The following SGCD variants were observed in gnomAD, a reference collection of about 807,000 sequenced individuals.
SGCD encodes the protein delta-sarcoglycan.
Under a neutral mutation model 36.6 loss-of-function variants are expected in SGCD, and 18 were observed. That is an observed-to-expected ratio of 0.49 (90% CI 0.34 to 0.73). The LOEUF (loss-of-function observed/expected upper bound fraction) is 0.73, where lower values mean the gene tolerates loss of function less well. SGCD is among the 30% of genes least tolerant of loss of function. The pLI is 0.01. For missense variants in SGCD, 387 were observed against 346.7 expected (o/e 1.12, Z -0.92); for synonymous variants, 133 against 130.6 (o/e 1.02, Z -0.12).
intron 1 of SGCD, among the ~76,000 whole-genome samples, chr5:156,011,254 T>G (rs1487350921): frequency 2.6e-5 from 4 of 152,138 alleles, no homozygotes; most frequent in Admixed American, 2.6e-4. Flanking sequence ...TCAAAATCCT[T>G]CAAGCCAGGT....
intron 4 of SGCD, among the ~76,000 whole-genome samples, chr5:156,537,506 C>G (rs1417424878): frequency 7.4e-6 from 1 of 135,150 alleles, no homozygotes; most frequent in Admixed American, 7.2e-5. Context: ...CACACACACA[C>G]AGGTATATAT....
rs1481727376 is a variant in SGCD at position 156,456,225 on chromosome 5, G to C, written c.193-52376G>C. On this transcript the variant is annotated intron_variant, in intron 3 of 8. Transcript: ENST00000337851. ...CTAGGAGAGTTTGTGGCACTTGATA[G>C]GAAAAGCCTCCTTGAATGTTGGTAG... 2.0e-5 allele frequency among the ~76,000 whole-genome samples: 3 copies of C among 152,258 alleles called. No individual in the cohort carries two copies. In the South Asian group the frequency reaches 6.2e-4, roughly 32 times the overall value.
chr5:156,206,921 C>T (rs1408261216), intron 3 of SGCD, among the ~76,000 whole-genome samples: 2 of 151,892 alleles, frequency 1.3e-5, no homozygotes, highest in East Asian at 3.9e-4. Context: ...CACACTTGGC[C>T]ACATGTTTAC....
chr5:156,072,813 G>C (rs1254955011), intron 1 of SGCD, among the ~76,000 whole-genome samples: 1 of 152,064 alleles, frequency 6.6e-6, no homozygotes, highest in African/African-American at 2.4e-5. Context: ...CATATTTCTT[G>C]GCGGCTTTGT....
At chr5:156,612,662 T>C (rs1455123257) in intron 6 of SGCD, among the ~76,000 whole-genome samples, 1 of 152,226 alleles carries the variant, frequency 6.6e-6, no homozygotes, top group African/African-American at 2.4e-5. Flanking sequence ...AGGCTCTGAG[T>C]AGCCAGGGTT....
chr5:156,407,592 G>T (rs913071420), intron 3 of SGCD, among the ~76,000 whole-genome samples: 1 of 152,166 alleles, frequency 6.6e-6, no homozygotes, highest in Non-Finnish European at 1.5e-5. Context: ...GAAAAAAAAT[G>T]TAAGGGAAAT....
At chr5:156,300,037 T>C (rs1767012206) in intron 3 of SGCD, among the ~76,000 whole-genome samples, 1 of 152,130 alleles carries the variant, frequency 6.6e-6, no homozygotes, top group South Asian at 2.1e-4. Flanking sequence ...CTTTCAGTTT[T>C]TTCCCCATTC....
intron 2 of SGCD, among the ~76,000 whole-genome samples, chr5:156,334,503 C>G (rs1561626295): frequency 6.6e-6 from 1 of 151,882 alleles, no homozygotes; most frequent in Non-Finnish European, 1.5e-5. Flanking sequence ...GCAATGCCGT[C>G]AAGTCTTTGT....
At chr5:155,846,190 C>T in the SGCD span, among the ~76,000 whole-genome samples, 1 of 152,076 alleles carries the variant, frequency 6.6e-6, no homozygotes, top group Non-Finnish European at 1.5e-5. Flanking sequence ...TTAGCGTATT[C>T]GTCTTTACTA....
rs140579105 is a variant in SGCD, at chr5:156,498,422, G to A, written c.193-10179G>A. On this transcript the variant is annotated intron_variant, in intron 3 of 8. Transcript: ENST00000337851. ...TTCTGTCACCTCAGTAAAATCCCTCGAATCCATTTATAGTCTTCTCCGCCC... is the reference window on the plus strand; with the variant it reads ...TTCTGTCACCTCAGTAAAATCCCTCAAATCCATTTATAGTCTTCTCCGCCC... Among the ~76,000 whole-genome samples, 191 of 152,064 alleles carry A rather than the reference G, an allele frequency of 1.3e-3. 1 individual carries two copies. Among genetic ancestry groups the A allele is most frequent in the Non-Finnish European group, 1.9e-3 (126 of 67,964 alleles).
chr5:156,438,490 A>T (rs771862167), intron 3 of SGCD, among the ~76,000 whole-genome samples: 2 of 152,116 alleles, frequency 1.3e-5, no homozygotes, highest in African/African-American at 2.4e-5. Context: ...AAGACAACAG[A>T]GCCAAAGAGA....
At chr5:156,699,598 G>T (rs772333256) in intron 7 of SGCD, among the ~76,000 whole-genome samples, 8 of 151,872 alleles carry the variant, frequency 5.3e-5, no homozygotes, top group Non-Finnish European at 1.2e-4. Flanking sequence ...TATTGTTTTT[G>T]ATTTTTCTAA....
At chr5:156,408,358 ATT>A (rs199533412) in intron 3 of SGCD, among the ~76,000 whole-genome samples, 42 of 138,944 alleles carry the variant, frequency 3.0e-4, no homozygotes, top group East Asian at 4.2e-4. Context: ...CCCAAGTTGG[ATT>A]TTTTTTTTTT....
intron 1 of SGCD, among the ~76,000 whole-genome samples, chr5:156,005,932 G>A (rs1758753614): frequency 6.6e-6 from 1 of 152,206 alleles, no homozygotes; most frequent in Non-Finnish European, 1.5e-5. Flanking sequence ...TTTAGTGCCA[G>A]ATGGGTGGCC....
In SGCD at chr5:156,250,543, A is replaced by T. The variant is rs534130301; in HGVS notation, c.-43-78991A>T. Among the ~76,000 whole-genome samples the T allele has an allele frequency of 4.6e-5, 7 of 152,314 alleles. No homozygotes were observed. The South Asian group carries it at 1.0e-3, about 23-fold the overall frequency. The stretch of plus-strand genomic sequence containing the variant: ...AGCTGTGAGACCCTGGATGAGGCTC[A>T]CACTGCTCTAGTCCAGTTTGCTTTG... On this transcript the variant is annotated intron_variant, in intron 3 of 9. Transcript: ENST00000517913.
At chr5:156,013,250 C>G (rs1443314889) in intron 1 of SGCD, among the ~76,000 whole-genome samples, 2 of 152,004 alleles carry the variant, frequency 1.3e-5, no homozygotes, top group African/African-American at 2.4e-5. Context: ...GTCTCGAACT[C>G]CTGACCTCAA....
chr5:156,215,059 A>G (rs1409878447), intron 3 of SGCD, among the ~76,000 whole-genome samples: 1 of 152,122 alleles, frequency 6.6e-6, no homozygotes, highest in African/African-American at 2.4e-5. Context: ...TTTCAGTGCC[A>G]GTGTGACTGA....
rs1315445045 is a variant in SGCD, at chr5:155,963,248, A to ATT, written c.-282+92824_-282+92825insTT. Among the ~76,000 whole-genome samples the ATT allele has an allele frequency of 1.8e-4, 27 of 152,272 alleles. No homozygotes were observed. In the East Asian group the frequency reaches 5.2e-3, roughly 29 times the overall value. On this transcript the variant is annotated intron_variant, in intron 1 of 9. Transcript: ENST00000517913. ...TTTCTTAACTTGAATTGAGAAAAAAAGAAACAAAAAATATATTCCACACAC... is the reference window on the plus strand; with the variant it reads ...TTTCTTAACTTGAATTGAGAAAAAAATTGAAACAAAAAATATATTCCACACAC...
At chr5:156,403,267 T>A (rs1344630518) in intron 3 of SGCD, among the ~76,000 whole-genome samples, 1 of 152,208 alleles carries the variant, frequency 6.6e-6, no homozygotes, top group African/African-American at 2.4e-5. Context: ...ATGTGTTCCT[T>A]AGAATCACAA....
Sources: allele counts gnomAD v4.1 joint callset (sites outside exome capture counted in the v4.1 genomes callset), GRCh38; gene constraint gnomAD v4.1.1; transcripts MANE v1.5; gene names NCBI Gene and HGNC (gene_info 2026-07-23, HGNC 2026-07-21).